The following GALNT13 variants were observed in gnomAD, a reference collection of about 807,000 sequenced individuals.
GALNT13 encodes the protein polypeptide N-acetylgalactosaminyltransferase 13.
GALNT13 carries 28 observed loss-of-function variants against 64.2 expected under a neutral mutation model. The ratio of observed to expected loss-of-function variants is 0.44; its 90% confidence interval spans 0.32 to 0.60. The LOEUF is 0.60. Ranked by LOEUF, GALNT13 falls within the 20% of genes least tolerant of loss-of-function variation. GALNT13 has a pLI of 0.05. For synonymous variants in GALNT13, 214 were observed against 224.6 expected (o/e 0.95, Z 0.42); for missense variants, 577 against 669.8 (o/e 0.86, Z 1.53).
the GALNT13 span, among the ~76,000 whole-genome samples, chr2:153,603,515 C>T: frequency 6.6e-6 from 1 of 151,912 alleles, no homozygotes; most frequent in African/African-American, 2.4e-5. Context: ...TAGCTCTATT[C>T]TTTTCATGTT....
the GALNT13 span, among the ~76,000 whole-genome samples, chr2:153,112,081 C>T: frequency 6.6e-6 from 1 of 152,146 alleles, no homozygotes; most frequent in Non-Finnish European, 1.5e-5. Context: ...GGAAGAGACA[C>T]TTCTTCCCCA....
the GALNT13 span, among the ~76,000 whole-genome samples, chr2:153,709,161 T>C: frequency 6.6e-6 from 1 of 151,982 alleles, no homozygotes; most frequent in Non-Finnish European, 1.5e-5. Flanking sequence ...AAGATTTGTA[T>C]AGCAAAGGAA....
At chr2:153,488,645 G>A in the GALNT13 span, among the ~76,000 whole-genome samples, 1 of 152,106 alleles carries the variant, frequency 6.6e-6, no homozygotes, top group Non-Finnish European at 1.5e-5. Flanking sequence ...ACATTGTTGA[G>A]TCCAAATTCT....
the GALNT13 span, among the ~76,000 whole-genome samples, chr2:153,676,914 C>A: frequency 2.0e-5 from 3 of 152,042 alleles, no homozygotes; most frequent in African/African-American, 7.2e-5. Flanking sequence ...AAAAACACAG[C>A]TATAATCATA....
At chr2:153,562,831 T>A in the GALNT13 span, among the ~76,000 whole-genome samples, 1 of 152,180 alleles carries the variant, frequency 6.6e-6, no homozygotes. Context: ...TTACACAAAT[T>A]TAGTTTTTTT....
chr2:153,274,240 C>T, the GALNT13 span, among the ~76,000 whole-genome samples: 4 of 152,206 alleles, frequency 2.6e-5, no homozygotes, highest in African/African-American at 9.6e-5. Flanking sequence ...CCATCACTGC[C>T]TGCCTGCCGT....
the GALNT13 span, among the ~76,000 whole-genome samples, chr2:153,592,675 G>C: frequency 6.6e-6 from 1 of 152,148 alleles, no homozygotes; most frequent in Non-Finnish European, 1.5e-5. Flanking sequence ...TGGAATTATA[G>C]ACAATGGATA....
the GALNT13 span, among the ~76,000 whole-genome samples, chr2:153,580,449 G>A: frequency 1.3e-5 from 2 of 152,130 alleles, no homozygotes; most frequent in Non-Finnish European, 2.9e-5. Context: ...ACTTTTAGCT[G>A]AGGGACTTCA....
the GALNT13 span, among the ~76,000 whole-genome samples, chr2:153,559,766 C>T: frequency 1.4e-3 from 218 of 152,120 alleles, no homozygotes; most frequent in Middle Eastern, 6.8e-3. Flanking sequence ...TCTAATTTCA[C>T]CATTTTATCT....
At chr2:153,751,511 C>T in the GALNT13 span, among the ~76,000 whole-genome samples, 1 of 151,716 alleles carries the variant, frequency 6.6e-6, no homozygotes, top group Non-Finnish European at 1.5e-5. Context: ...TATGTGCTCT[C>T]ATGTTGGGTG....
the GALNT13 span, among the ~76,000 whole-genome samples, chr2:153,110,755 C>T: frequency 6.6e-6 from 1 of 152,018 alleles, no homozygotes; most frequent in African/African-American, 2.4e-5. Flanking sequence ...GCGTTAATAC[C>T]TTCTTTGTAT....
the GALNT13 span, among the ~76,000 whole-genome samples, chr2:153,506,827 A>C: frequency 6.6e-6 from 1 of 152,150 alleles, no homozygotes; most frequent in East Asian, 1.9e-4. Context: ...TAGGCAATGA[A>C]CTTTTTGTGA....
chr2:153,262,238 T>C, the GALNT13 span, among the ~76,000 whole-genome samples: 1 of 152,208 alleles, frequency 6.6e-6, no homozygotes, highest in East Asian at 1.9e-4. Flanking sequence ...CTGGCTACCT[T>C]TGCTGATTGT....
intron 1 of GALNT13, among the ~76,000 whole-genome samples, chr2:153,898,633 A>C (rs917151812): frequency 2.0e-5 from 3 of 151,964 alleles, no homozygotes; most frequent in African/African-American, 7.2e-5. Flanking sequence ...ATTGTTTGTA[A>C]TATTTTTCCC....
chr2:153,407,543 T>C, the GALNT13 span, among the ~76,000 whole-genome samples: 1 of 152,178 alleles, frequency 6.6e-6, no homozygotes, highest in African/African-American at 2.4e-5. Flanking sequence ...AACATAGTTA[T>C]TGCATAGCTC....
chr2:153,302,233 A>G, the GALNT13 span, among the ~76,000 whole-genome samples: 1 of 152,166 alleles, frequency 6.6e-6, no homozygotes, highest in Non-Finnish European at 1.5e-5. Flanking sequence ...CATTTTGATA[A>G]TAGCCATTCT....
chr2:153,467,086 T>C, the GALNT13 span, among the ~76,000 whole-genome samples: 1 of 152,082 alleles, frequency 6.6e-6, no homozygotes, highest in South Asian at 2.1e-4. Flanking sequence ...TAAAACATTT[T>C]AGTCAAAATT....
At chr2:154,286,898 T>C in intron 8 of GALNT13, 1 of 457,112 alleles carries the variant, frequency 2.2e-6, no homozygotes, top group Non-Finnish European at 4.1e-6. Flanking sequence ...GCTAGCCAGT[T>C]TGCGCACATC....
chr2:153,574,471 C>T, the GALNT13 span, among the ~76,000 whole-genome samples: 2 of 152,008 alleles, frequency 1.3e-5, no homozygotes, highest in African/African-American at 2.4e-5. Flanking sequence ...TTTGAAGCCA[C>T]CTTTAAGGCC....
Sources: gnomAD v4.1 joint callset for allele counts (sites outside exome capture counted in the v4.1 genomes callset) on GRCh38, gnomAD v4.1.1 for gene constraint, MANE v1.5 for transcripts, NCBI Gene and HGNC (gene_info 2026-07-23, HGNC 2026-07-21) for gene names.